The following RRP12 variants were observed in gnomAD, a reference collection of about 807,000 sequenced individuals.
RRP12 encodes the protein RRP12-like protein.
RRP12 carries 78 observed loss-of-function variants against 157.3 expected under a neutral mutation model. The ratio of observed to expected loss-of-function variants is 0.50; its 90% confidence interval spans 0.41 to 0.60. RRP12 has a LOEUF of 0.60. RRP12 is among the 20% of genes least tolerant of loss of function. The probability of loss-of-function intolerance (pLI) is 0.00; values close to 1 mark genes in which losing one functional copy is unlikely to be tolerated. For synonymous variants in RRP12, 726 were observed against 670.9 expected (o/e 1.08, Z -1.27); for missense variants, 1,521 against 1,679.9 (o/e 0.91, Z 1.65).
intron 10 of RRP12, among the ~76,000 whole-genome samples, chr10:97,384,728 G>C (rs887410102): frequency 2.7e-5 from 4 of 150,682 alleles, no homozygotes; most frequent in African/African-American, 9.8e-5. Flanking sequence ...CCTGGACGGA[G>C]ACCCTGAGGA....
intron 30 of RRP12, among the ~76,000 whole-genome samples, chr10:97,362,715 G>A (rs1056283559): frequency 2.0e-5 from 3 of 152,284 alleles, no homozygotes; most frequent in African/African-American, 7.2e-5. Flanking sequence ...GGGGCTTCCC[G>A]CATCAGAGGC....
intron 4 of RRP12, chr10:97,393,210 T>G: frequency 2.3e-6 from 1 of 442,306 alleles, no homozygotes; most frequent in Non-Finnish European, 4.5e-6. Context: ...TTTCTGACTC[T>G]GCTTTTGCCT....
At chr10:97,386,487 A>G (rs1844635918) in intron 8 of RRP12, among the ~76,000 whole-genome samples, 1 of 151,970 alleles carries the variant, frequency 6.6e-6, no homozygotes, top group Non-Finnish European at 1.5e-5. Flanking sequence ...TGGCCTTTAC[A>G]TGTTTTATCA....
chr10:97,380,839 A>T lies in RRP12; in HGVS notation c.1493T>A (p.Phe498Tyr). Reference sequence around the variant, plus strand: ...GTGGGCCTGTCTCCCACACGCCTCGAAGAAGACACACAGCAGCTGCAACAC... The same window carrying T: ...GTGGGCCTGTCTCCCACACGCCTCGTAGAAGACACACAGCAGCTGCAACAC... ...SSVLQLLCVF[F>Y]EACGRQAHPV... Residue 498 changes from phenylalanine to tyrosine, a missense_variant, in exon 13 of 34, where the codon TTC (phenylalanine) becomes TAC (tyrosine). Coordinates refer to ENST00000370992, the MANE Select transcript of RRP12 (RefSeq NM_015179.4). 2 of 1,614,114 alleles carry T rather than the reference A, an allele frequency of 1.2e-6. No homozygotes were observed. The highest frequency in any genetic ancestry group is 1.7e-6 in the Non-Finnish European group (2 of 1,180,004).
At chr10:97,368,277 C>T (rs911498561) in intron 25 of RRP12, among the ~76,000 whole-genome samples, 1 of 151,496 alleles carries the variant, frequency 6.6e-6, no homozygotes, top group Admixed American at 6.6e-5. Context: ...AGTGATCCAC[C>T]CACCTTGGCA....
At chr10:97,389,096 T>C (rs1844723270) in intron 6 of RRP12, among the ~76,000 whole-genome samples, 1 of 152,074 alleles carries the variant, frequency 6.6e-6, no homozygotes, top group Admixed American at 6.6e-5. Flanking sequence ...CTGCTACTTT[T>C]GTTGTTGTTG....
chr10:97,378,738 T>C (rs1468874245), intron 15 of RRP12, among the ~76,000 whole-genome samples: 3 of 151,750 alleles, frequency 2.0e-5, no homozygotes, highest in Non-Finnish European at 4.4e-5. Flanking sequence ...GTGCCTGGAG[T>C]CCCAGCTACT....
chr10:97,373,366 T>G (rs979545316), intron 17 of RRP12, among the ~76,000 whole-genome samples, 166 bp from the exon 18 acceptor site: 3 of 152,128 alleles, frequency 2.0e-5, no homozygotes, highest in African/African-American at 4.8e-5. Context: ...ATGGAGAGCC[T>G]GGTGCCCCAG....
At chr10:97,360,252 G>C (rs780358711) in intron 31 of RRP12, among the ~76,000 whole-genome samples, 1 of 152,222 alleles carries the variant, frequency 6.6e-6, no homozygotes, top group Non-Finnish European at 1.5e-5. Flanking sequence ...AGAAGGGACA[G>C]ACTCAAGCCT....
rs1844191738 is a variant in RRP12 at position 97,372,728 on chromosome 10, C to A, written c.2249+8G>T. The A allele has an allele frequency of 6.4e-7, 1 of 1,556,400 alleles. No homozygotes were observed. Among genetic ancestry groups the A allele is most frequent in the African/African-American group, 1.4e-5 (1 of 73,332 alleles). ...TCCAGCTCAAGTGGGAGGCCCTGAG[C>A]ATGTTACCTGGTAAAGTCAGAGCTG... On this transcript the variant is annotated splice_region_variant and intron_variant, in intron 19 of 33. Coordinates refer to ENST00000370992, the MANE Select transcript of RRP12 (RefSeq NM_015179.4).
intron 15 of RRP12, among the ~76,000 whole-genome samples, chr10:97,377,459 G>C (rs1844340914): frequency 6.6e-6 from 1 of 152,174 alleles, no homozygotes; most frequent in Non-Finnish European, 1.5e-5. Flanking sequence ...AATCTGGGAG[G>C]CAGAGGTTGC....
At chr10:97,384,095 G>C (rs1292128367) in intron 10 of RRP12, among the ~76,000 whole-genome samples, 2 of 152,118 alleles carry the variant, frequency 1.3e-5, no homozygotes, top group Non-Finnish European at 1.5e-5. Context: ...CCAGGACGGA[G>C]GCCCTGAGCA....
At chr10:97,388,164 C>A in intron 8 of RRP12, 88 bp downstream of exon 8, 1 of 1,559,300 alleles carries the variant, frequency 6.4e-7, no homozygotes, top group East Asian at 2.2e-5. Context: ...GAGGGAGACC[C>A]CAGGCCCTGC....
intron 20 of RRP12, 52 bp downstream of exon 20, chr10:97,372,021 C>G (rs1589419970): frequency 1.5e-6 from 2 of 1,299,406 alleles, no homozygotes; most frequent in East Asian, 4.7e-5. Context: ...CTTCCCACAG[C>G]CCATCTGCCC....
chr10:97,369,677 A>G, intron 24 of RRP12, 95 bp from the exon 25 acceptor site: 1 of 1,309,930 alleles, frequency 7.6e-7, no homozygotes, highest in Admixed American at 2.1e-5. Flanking sequence ...GTGTCAGTAA[A>G]AGCTGACATT....
At chr10:97,398,740 G>A (rs1444791447) in intron 2 of RRP12, among the ~76,000 whole-genome samples, 1 of 151,974 alleles carries the variant, frequency 6.6e-6, no homozygotes, top group Non-Finnish European at 1.5e-5. Context: ...TGGCAAATAG[G>A]TTCGTAGTAA....
At chr10:97,364,931 G>A (rs990384584) in intron 29 of RRP12, among the ~76,000 whole-genome samples, 5 of 152,174 alleles carry the variant, frequency 3.3e-5, no homozygotes, top group African/African-American at 9.7e-5. Flanking sequence ...GGGGACAGGA[G>A]ATGGGAAAGT....
chr10:97,385,041 C>CA (rs1234662226), intron 10 of RRP12, 125 bp downstream of exon 10: 1 of 582,664 alleles, frequency 1.7e-6, no homozygotes, highest in Non-Finnish European at 2.9e-6. Context: ...AAGGACCCCC[C>CA]CAACCTTGGC....
chr10:97,378,874 AAAAT>A (rs57988735), intron 15 of RRP12, among the ~76,000 whole-genome samples: 57,635 of 151,484 alleles, frequency 0.38, 11,397 homozygotes, highest in African/African-American at 0.5. Flanking sequence ...TAATAATAAT[AAAAT>A]AAATAAATAA....
Sources: gnomAD v4.1 joint callset for allele counts (sites outside exome capture counted in the v4.1 genomes callset) on GRCh38, gnomAD v4.1.1 for gene constraint, MANE v1.5 for transcripts, NCBI Gene and HGNC (gene_info 2026-07-23, HGNC 2026-07-21) for gene names.